Variants in IRF8 observed in about 807,000 individuals in gnomAD.
The protein encoded by IRF8 is interferon regulatory factor 8.
In IRF8, 14 loss-of-function variants were observed where a neutral mutation model predicts 48.7. The observed-to-expected ratio is 0.29, with a 90% CI of 0.19 to 0.45. The LOEUF (loss-of-function observed/expected upper bound fraction) is 0.45, where lower values mean the gene tolerates loss of function less well. IRF8 is among the 20% of genes least tolerant of loss of function. IRF8 has a pLI of 1.00. For missense variants in IRF8, 493 were observed against 580.7 expected, an observed-to-expected ratio of 0.85 and a Z score of 1.55; for synonymous variants, 278 against 227.3, an observed-to-expected ratio of 1.22 and a Z score of -2.01.
rs755554608 is a variant in IRF8 at position 85,918,546 on chromosome 16, C to T, written c.731C>T (p.Pro244Leu). 3.7e-6 allele frequency: 6 copies of T among 1,602,820 alleles called. No individual in the cohort carries two copies. The East Asian group carries it at 6.7e-5, about 18-fold the overall frequency. ...CTGCCCGGCACCAAGCTGTATGGGCCCGAGGGCCTGGAGCTGGTGCGCTTC... is the reference window on the plus strand; with the variant it reads ...CTGCCCGGCACCAAGCTGTATGGGCTCGAGGGCCTGGAGCTGGTGCGCTTC... Reference protein sequence around the residue: ...PGLPGTKLYGPEGLELVRFPP... With the variant: ...PGLPGTKLYGLEGLELVRFPP... Residue 244 changes from proline to leucine, a missense_variant, in exon 7 of 9, where the codon CCC becomes CTC. Pro to Leu is a moderately conservative substitution (Grantham distance 98). Coordinates refer to ENST00000268638, the MANE Select transcript of IRF8 (RefSeq NM_002163.4).
chr16:85,914,647 A>C (rs1376447099), intron 6 of IRF8, 127 bp downstream of exon 6: 1 of 1,027,584 alleles, frequency 9.7e-7, no homozygotes, highest in African/African-American at 1.6e-5. Flanking sequence ...CCTGGTTCCA[A>C]GGATGAGCAG....
chr16:85,913,180 C>G lies in IRF8; in HGVS notation c.497C>G (p.Pro166Arg). The change falls in exon 5 of 9, where the codon CCG becomes CGG. Residue 166 changes from proline (P) to arginine (R), a missense_variant. By Grantham distance (103) the Pro-to-Arg change is moderately radical (BLOSUM62 -2). This residue lies in a region of IRF8 where 408 missense variants were observed against 449.6 expected (regional missense o/e 0.91). Coordinates refer to ENST00000268638, the MANE Select transcript of IRF8 (RefSeq NM_002163.4). ...MGMIKRSPSP[P>R]EACRSQLLPD... Reference sequence around the variant, plus strand: ...ATGATCAAAAGGAGCCCTTCCCCGCCGGAGGCCTGTCGGAGTCAGCTCCTT... The same window carrying G: ...ATGATCAAAAGGAGCCCTTCCCCGCGGGAGGCCTGTCGGAGTCAGCTCCTT... 1.2e-6 allele frequency: 2 copies of G among 1,614,166 alleles called. No individual in the cohort carries two copies. The highest frequency in any genetic ancestry group is 2.2e-5 in the South Asian group (2 of 91,080).
chr16:85,907,702 T>TAAAAATA (rs1905044304), intron 2 of IRF8, among the ~76,000 whole-genome samples: 1 of 151,710 alleles, frequency 6.6e-6, no homozygotes, highest in Admixed American at 6.6e-5. Flanking sequence ...CTAAAATAAA[T>TAAAAATA]AAAAATAAAA....
intron 2 of IRF8, 108 bp downstream of exon 2, chr16:85,903,297 A>C (rs1475318593): frequency 8.9e-7 from 1 of 1,126,540 alleles, no homozygotes; most frequent in East Asian, 2.6e-5. Context: ...AAATTAATCC[A>C]GTTTTTTAAA....
intron 1 of IRF8, among the ~76,000 whole-genome samples, chr16:85,899,785 G>T (rs529311136): frequency 3.9e-4 from 60 of 152,278 alleles, no homozygotes; most frequent in African/African-American, 1.4e-3. Flanking sequence ...TCTGTATATG[G>T]GCCACAGCTC....
chr16:85,921,599 A>G lies in IRF8; in HGVS notation c.*317A>G. ...ATTTTCGGTTAACTATCATTTCCAAAGACTTGTCATTCAGTAATATTAGCA... is the reference window on the plus strand; with the variant it reads ...ATTTTCGGTTAACTATCATTTCCAAGGACTTGTCATTCAGTAATATTAGCA... On this transcript the variant is annotated 3_prime_UTR_variant, in exon 9 of 9. Transcript: ENST00000268638. 2.6e-6 allele frequency: 1 copy of G among 380,144 alleles called. No individual in the cohort carries two copies. Among genetic ancestry groups the G allele is most frequent in the East Asian group, 6.1e-5 (1 of 16,412 alleles). The allele number at this position is 380,144 out of a possible 1,614,324, so 23.5% of individuals were successfully genotyped here. A position where few individuals can be genotyped will look rare whatever the true frequency, so the allele number is the denominator to read the frequency against.
At chr16:85,903,805 G>T (rs1904904103) in intron 2 of IRF8, among the ~76,000 whole-genome samples, 1 of 152,222 alleles carries the variant, frequency 6.6e-6, no homozygotes, top group African/African-American at 2.4e-5. Flanking sequence ...ACATGATCCT[G>T]TGTGGTAGAT....
intron 3 of IRF8, chr16:85,909,403 C>G: frequency 1.8e-6 from 1 of 557,578 alleles, no homozygotes; most frequent in Non-Finnish European, 3.2e-6. Context: ...TGCTGCCTGA[C>G]CACAGACATT....
At chr16:85,919,202 G>C (rs1242276273) in intron 7 of IRF8, among the ~76,000 whole-genome samples, 1 of 152,180 alleles carries the variant, frequency 6.6e-6, no homozygotes, top group Non-Finnish European at 1.5e-5. Context: ...GGTCCCTGGG[G>C]ATCTGTGTAC....
At chr16:85,916,128 T>C (rs1299962978) in intron 6 of IRF8, among the ~76,000 whole-genome samples, 1 of 151,406 alleles carries the variant, frequency 6.6e-6, no homozygotes, top group Non-Finnish European at 1.5e-5. Context: ...TGTTACCCAG[T>C]TTCTTTAACT....
chr16:85,902,295 A>T (rs1365687811), intron 1 of IRF8, among the ~76,000 whole-genome samples: 1 of 152,188 alleles, frequency 6.6e-6, no homozygotes, highest in African/African-American at 2.4e-5. Flanking sequence ...GCCCTGTCTC[A>T]GTTGCTTTCC....
chr16:85,900,295 G>C (rs1267012617), intron 1 of IRF8, among the ~76,000 whole-genome samples: 1 of 152,216 alleles, frequency 6.6e-6, no homozygotes, highest in African/African-American at 2.4e-5. Context: ...CTCCTGGAAA[G>C]CCTGACTGCT....
At chr16:85,909,425 C>T in intron 3 of IRF8, 1 of 519,150 alleles carries the variant, frequency 1.9e-6, no homozygotes. Context: ...GTAGGGCCTC[C>T]CTGGACAGGA....
intron 2 of IRF8, chr16:85,903,508 C>G (rs1219165531): frequency 5.4e-6 from 2 of 372,156 alleles, no homozygotes; most frequent in Non-Finnish European, 1.0e-5. Flanking sequence ...CACGCTAAGA[C>G]CTTTCCCCAC....
intron 2 of IRF8, among the ~76,000 whole-genome samples, chr16:85,907,779 C>A (rs1009580905): frequency 2.6e-5 from 4 of 152,234 alleles, no homozygotes; most frequent in Non-Finnish European, 5.9e-5. Flanking sequence ...GGGCAAGGCC[C>A]AGGAATCTGC....
At chr16:85,919,618 C>T (rs1245335907) in intron 7 of IRF8, among the ~76,000 whole-genome samples, 2 of 152,234 alleles carry the variant, frequency 1.3e-5, no homozygotes, top group African/African-American at 4.8e-5. Context: ...CCCGGGCCTA[C>T]CTCACATCCT....
intron 2 of IRF8, among the ~76,000 whole-genome samples, chr16:85,903,815 T>A (rs1312715939): frequency 6.6e-6 from 1 of 152,198 alleles, no homozygotes; most frequent in Non-Finnish European, 1.5e-5. Context: ...GTGTGGTAGA[T>A]GCTGTTCCCA....
At chr16:85,919,565 G>C (rs1245764786) in intron 7 of IRF8, among the ~76,000 whole-genome samples, 1 of 152,222 alleles carries the variant, frequency 6.6e-6, no homozygotes, top group African/African-American at 2.4e-5. Flanking sequence ...TATCACCCCT[G>C]AGCAGGCAGA....
At chr16:85,908,275 T>G (rs925881327) in intron 2 of IRF8, among the ~76,000 whole-genome samples, 3 of 152,222 alleles carry the variant, frequency 2.0e-5, no homozygotes, top group Non-Finnish European at 4.4e-5. Context: ...CATTCACCTG[T>G]CTTATTTTTT....
Sources: gnomAD v4.1 joint callset for allele counts (sites outside exome capture counted in the v4.1 genomes callset) on GRCh38, gnomAD v4.1.1 for gene constraint, gnomAD v4.1.1 regional missense constraint, MANE v1.5 for transcripts, NCBI Gene and HGNC (gene_info 2026-07-23, HGNC 2026-07-21) for gene names.